SHISAL1: variants seen among roughly 807,000 people sequenced by gnomAD.
SHISAL1 encodes the protein shisa like 1.
In SHISAL1, 9 loss-of-function variants were observed where a neutral mutation model predicts 22.6. The observed-to-expected ratio is 0.40, with a 90% CI of 0.24 to 0.70. The LOEUF (loss-of-function observed/expected upper bound fraction) is 0.70, where lower values mean the gene tolerates loss of function less well. Among genes scored for constraint, SHISAL1 ranks in the 30% least tolerant of loss-of-function variants. The pLI is 0.39. For missense variants in SHISAL1, 246 were observed against 270.6 expected, an observed-to-expected ratio of 0.91 and a Z score of 0.64; for synonymous variants, 119 against 115.4, an observed-to-expected ratio of 1.03 and a Z score of -0.20.
intron 4 of SHISAL1, among the ~76,000 whole-genome samples, chr22:44,273,896 C>A (rs1569213971): frequency 6.6e-6 from 1 of 152,122 alleles, no homozygotes; most frequent in Non-Finnish European, 1.5e-5. Context: ...AATGAAAGGA[C>A]AGGTGTTTTA....
Position 44,246,818 on chromosome 22 carries a change from G to A in SHISAL1, c.*2867C>T, listed in dbSNP as rs938604403. The A allele has an allele frequency of 3.2e-5, 1 of 30,978 alleles. No individual in the cohort carries two copies. The highest frequency in any genetic ancestry group is 2.5e-4 in the Admixed American group (1 of 4,002). The allele number at this position is 30,978 out of a possible 1,614,324, so 1.9% of individuals were successfully genotyped here. ...TCTGAGAGGTTAAGTGGCTCGTGGG[G>A]GTGACCTGCAGGAAGGAGGATGCCG... On this transcript the variant is annotated 3_prime_UTR_variant, in exon 5 of 5. Coordinates refer to ENST00000381176, the MANE Select transcript of SHISAL1 (RefSeq NM_001099294.2).
chr22:44,288,503 T>C (rs1039393612), intron 3 of SHISAL1, among the ~76,000 whole-genome samples: 2 of 151,150 alleles, frequency 1.3e-5, no homozygotes, highest in African/African-American at 4.9e-5. Flanking sequence ...TTGCTGGGTG[T>C]GGTGGCGGGC....
the SHISAL1 span, among the ~76,000 whole-genome samples, chr22:44,329,313 C>T: frequency 2.0e-5 from 3 of 152,142 alleles, no homozygotes; most frequent in Non-Finnish European, 2.9e-5. Context: ...AGGTCCCGCT[C>T]GCTTTCTTTG....
chr22:44,321,898 G>T, the SHISAL1 span, among the ~76,000 whole-genome samples: 1 of 152,132 alleles, frequency 6.6e-6, no homozygotes, highest in Non-Finnish European at 1.5e-5. Flanking sequence ...TCCCTCCTGG[G>T]TTCAGACTCC....
the SHISAL1 span, among the ~76,000 whole-genome samples, chr22:44,329,180 T>C: frequency 6.6e-6 from 1 of 152,036 alleles, no homozygotes; most frequent in South Asian, 2.1e-4. Flanking sequence ...GTGCCAAGGG[T>C]GAGCCGAGGC....
In SHISAL1 at chr22:44,310,650, T is replaced by G. The variant is rs1303056036; in HGVS notation, c.-33+2101A>C. On this transcript the variant is annotated intron_variant, in intron 1 of 4. Coordinates refer to ENST00000381176, the MANE Select transcript of SHISAL1 (RefSeq NM_001099294.2). This position sits in a 1 kb window ranked among gnomAD's most constrained non-coding sequence, Gnocchi z 4.0. ...TAAACCGTTCTTATCCGATGTTGCCTACTCTACTGTTCCCAAAGCTGATGG... is the reference window on the plus strand; with the variant it reads ...TAAACCGTTCTTATCCGATGTTGCCGACTCTACTGTTCCCAAAGCTGATGG... Among the ~76,000 whole-genome samples, 1 of 152,202 alleles carries G rather than the reference T, an allele frequency of 6.6e-6. No individual in the cohort carries two copies. Among genetic ancestry groups the G allele is most frequent in the Admixed American group, 6.5e-5 (1 of 15,284 alleles).
intron 3 of SHISAL1, among the ~76,000 whole-genome samples, chr22:44,287,210 T>C (rs1201130596): frequency 6.6e-6 from 1 of 152,200 alleles, no homozygotes; most frequent in Non-Finnish European, 1.5e-5. Context: ...AGTCTCGACT[T>C]CCAGGCTCCA....
chr22:44,259,936 C>G (rs1207796826), intron 4 of SHISAL1, among the ~76,000 whole-genome samples: 1 of 152,202 alleles, frequency 6.6e-6, no homozygotes, highest in African/African-American at 2.4e-5. Flanking sequence ...AACTACAGGT[C>G]GATTTGTTTA....
At chr22:44,308,447 C>G (rs973230009) in intron 1 of SHISAL1, among the ~76,000 whole-genome samples, 1 of 152,252 alleles carries the variant, frequency 6.6e-6, no homozygotes. Context: ...CCCTCTGGGT[C>G]TGTGGTGCCT....
chr22:44,272,515 C>T (rs558776235), intron 4 of SHISAL1, among the ~76,000 whole-genome samples: 2 of 152,334 alleles, frequency 1.3e-5, no homozygotes, highest in African/African-American at 4.8e-5. Context: ...TTAATCTTGT[C>T]TGGGCTGCAT....
intron 4 of SHISAL1, among the ~76,000 whole-genome samples, chr22:44,255,520 G>A (rs549694159): frequency 5.7e-4 from 87 of 152,182 alleles, no homozygotes; most frequent in African/African-American, 2.0e-3. Context: ...AGCAAATCCC[G>A]TTGGACCTTC....
intron 4 of SHISAL1, among the ~76,000 whole-genome samples, chr22:44,267,976 C>G (rs781704341): frequency 6.6e-6 from 1 of 152,238 alleles, no homozygotes; most frequent in South Asian, 2.1e-4. Context: ...TGCAGAGACA[C>G]GGCCGGAGGC....
In SHISAL1 at chr22:44,250,754, G is replaced by GT. The variant is rs541113513; in HGVS notation, c.*-1070dup. Among the ~76,000 whole-genome samples the GT allele has an allele frequency of 3.5e-4, 53 of 152,328 alleles. 1 individual carries two copies. Among genetic ancestry groups the GT allele is most frequent in the African/African-American group, 1.1e-3 (47 of 41,576 alleles). On this transcript the variant is annotated intron_variant, in intron 4 of 4. Coordinates refer to ENST00000381176, the MANE Select transcript of SHISAL1 (RefSeq NM_001099294.2). ...GGAGTAGAAAGCAGGCAGAAACTTG[G>GT]TTCTGGTGGCAGCCCTGAACTACCC...
chr22:44,314,401 C>T (rs2055544291), upstream of SHISAL1, among the ~76,000 whole-genome samples: 3 of 152,118 alleles, frequency 2.0e-5, no homozygotes, highest in Non-Finnish European at 4.4e-5. Context: ...GCCTGGACTG[C>T]CCTGTGGATT....
intron 4 of SHISAL1, among the ~76,000 whole-genome samples, chr22:44,268,541 C>T (rs757908806): frequency 9.9e-5 from 15 of 152,158 alleles, no homozygotes; most frequent in Non-Finnish European, 1.8e-4. Flanking sequence ...GGGAGTGGAA[C>T]GAGGTGCCGG....
At chr22:44,311,303 C>T (rs776098875) in intron 1 of SHISAL1, among the ~76,000 whole-genome samples, 3 of 152,188 alleles carry the variant, frequency 2.0e-5, no homozygotes, top group Non-Finnish European at 2.9e-5. Context: ...ACGAAGGGTG[C>T]TGGCCTGGGT....
the SHISAL1 span, among the ~76,000 whole-genome samples, chr22:44,330,223 GC>G: frequency 6.6e-6 from 1 of 152,254 alleles, no homozygotes; most frequent in Non-Finnish European, 1.5e-5. Flanking sequence ...GCTCACAGCA[GC>G]CTTTGGTGGT....
At chr22:44,256,846 A>G (rs1227966866) in intron 4 of SHISAL1, among the ~76,000 whole-genome samples, 3 of 152,230 alleles carry the variant, frequency 2.0e-5, no homozygotes, top group African/African-American at 2.4e-5. Flanking sequence ...CAAGAAATGG[A>G]TCAATTTCCA....
intron 4 of SHISAL1, among the ~76,000 whole-genome samples, chr22:44,280,690 G>GGGAGGTGGGGACAATGGGGAGT (rs1345440089): frequency 2.0e-5 from 3 of 151,948 alleles, no homozygotes; most frequent in African/African-American, 7.3e-5. Flanking sequence ...GGGGGAGGGA[G>GGGAGGTGGGGACAATGGGGAGT]GGAGGTGGGG....
Sources: gnomAD v4.1 joint callset for allele counts (sites outside exome capture counted in the v4.1 genomes callset) on GRCh38, gnomAD v4.1.1 for gene constraint, Gnocchi (gnomAD v3.1) non-coding constraint, MANE v1.5 for transcripts, NCBI Gene and HGNC (gene_info 2026-07-23, HGNC 2026-07-21) for gene names.